Variants in BICRA observed in about 807,000 individuals in gnomAD.
BICRA encodes BRD4-interacting chromatin-remodeling complex-associated protein.
Under a neutral mutation model 96.9 loss-of-function variants are expected in BICRA, and 31 were observed. The observed-to-expected ratio is 0.32, with a 90% CI of 0.24 to 0.43. The LOEUF is 0.43. Among genes scored for constraint, BICRA ranks in the 20% least tolerant of loss-of-function variants. The probability of loss-of-function intolerance (pLI) is 1.00; values close to 1 mark genes in which losing one functional copy is unlikely to be tolerated. For missense variants in BICRA, 2,283 were observed against 2,190.3 expected (o/e 1.04, Z -0.84); for synonymous variants, 1,350 against 1,071.8 (o/e 1.26, Z -5.07).
intron 1 of BICRA, among the ~76,000 whole-genome samples, chr19:47,624,646 G>T (rs1054171284): frequency 1.3e-5 from 2 of 151,900 alleles, no homozygotes; most frequent in Non-Finnish European, 1.5e-5. Flanking sequence ...CTGTGTCTTT[G>T]AAGTGTAGTA....
chr19:47,692,178 C>T (rs11879995), intron 7 of BICRA, among the ~76,000 whole-genome samples: 45 of 152,232 alleles, frequency 3.0e-4, no homozygotes, highest in African/African-American at 1.1e-3. Flanking sequence ...TCTCCTTTTC[C>T]TCTATTGTAA....
At chr19:47,685,993 C>T (rs1331431729) in intron 7 of BICRA, among the ~76,000 whole-genome samples, 4 of 150,782 alleles carry the variant, frequency 2.7e-5, no homozygotes, top group South Asian at 2.1e-4. Context: ...TGCAGTGGCA[C>T]GATCTTGGCT....
In BICRA at chr19:47,647,617, G is replaced by C. The variant is rs1972479391; in HGVS notation, c.-107-22826G>C. Reference sequence around the variant, plus strand: ...ATCTGTGGGCTCCTCTCTCTCCTTGGCACGTGTGTGTGGCCCACGTTGCAT... The same window carrying C: ...ATCTGTGGGCTCCTCTCTCTCCTTGCCACGTGTGTGTGGCCCACGTTGCAT... On this transcript the variant is annotated intron_variant, in intron 1 of 14. Transcript: ENST00000594866. Among the ~76,000 whole-genome samples, 3 of 152,010 alleles carry C rather than the reference G, an allele frequency of 2.0e-5. No homozygotes were observed. The South Asian group carries it at 6.2e-4, about 31-fold the overall frequency.
At chr19:47,618,903 C>G (rs780600789) in intron 1 of BICRA, among the ~76,000 whole-genome samples, 5 of 152,202 alleles carry the variant, frequency 3.3e-5, no homozygotes, top group African/African-American at 1.2e-4. Flanking sequence ...GATGCCAACT[C>G]TCGTCCACCG....
Position 47,681,016 on chromosome 19 carries a change from G to T in BICRA, c.1846G>T (p.Ala616Ser). The change falls in exon 6 of 15, where the codon GCG becomes TCG. Residue 616 changes from alanine (A) to serine (S), a missense_variant. Physicochemically the swap from Ala to Ser is moderately conservative, Grantham distance 99. Transcript: ENST00000594866. The stretch of plus-strand genomic sequence containing the variant: ...CCCTGCCGCTGCCACCGGGGAGGCC[G>T]CGCCTGTCCTCACGGTGCAGCCTGC... ...ATPAAATGEA[A>S]PVLTVQPAPQ... is the part of the protein sequence containing the mutation. 1 of 1,447,154 alleles carries T rather than the reference G, an allele frequency of 6.9e-7. No individual in the cohort carries two copies. The highest frequency in any genetic ancestry group is 9.0e-7 in the Non-Finnish European group (1 of 1,109,296). 89.6% of individuals were successfully genotyped at this position (1,447,154 alleles called of 1,614,324 possible).
chr19:47,700,809 A>AACAAACAG, intron 14 of BICRA: 1 of 156,152 alleles, frequency 6.4e-6, no homozygotes, highest in East Asian at 1.9e-4. Context: ...CAAACAAACA[A>AACAAACAG]ACAAACAAAA....
chr19:47,696,527 C>G lies in BICRA; in HGVS notation c.3248+15C>G. On this transcript the variant is annotated intron_variant, in intron 11 of 14. Transcript: ENST00000594866. ...AAGGAAGCCTGGTGAGTCCACACCC[C>G]ATCCTTGCATGCCTGCCCTGTACCT... 4 of 1,591,506 alleles carry G rather than the reference C, an allele frequency of 2.5e-6. No homozygotes were observed. The highest frequency in any genetic ancestry group is 1.1e-5 in the South Asian group (1 of 87,316).
At chr19:47,633,649 G>T (rs1972255474) in intron 1 of BICRA, among the ~76,000 whole-genome samples, 1 of 152,156 alleles carries the variant, frequency 6.6e-6, no homozygotes, top group South Asian at 2.1e-4. Context: ...CTGACCCAGG[G>T]TTTCCCCATT....
rs1490082335 is a variant in BICRA, at chr19:47,694,373, A to C, written c.2542A>C (p.Ser848Arg). Residue 848 changes from serine to arginine, a missense_variant, in exon 8 of 15, where the codon AGC becomes CGC. Transcript: ENST00000594866. ...CCAGCTAGGCGTTCCCCCGCCTGCC[A>C]GCAACCCGGCCCCTACTGCCCCAGG... is the stretch of plus-strand genomic sequence containing the variant. ...QNQLGVPPPA[S>R]NPAPTAPGPP... The C allele has an allele frequency of 9.1e-7, 1 of 1,095,484 alleles. No homozygotes were observed. The highest frequency in any genetic ancestry group is 1.3e-6 in the Non-Finnish European group (1 of 795,920). The allele number at this position is 1,095,484 out of a possible 1,614,324, so 67.9% of individuals were successfully genotyped here.
chr19:47,620,739 A>G (rs574126661), intron 1 of BICRA, among the ~76,000 whole-genome samples: 98 of 152,040 alleles, frequency 6.4e-4, no homozygotes, highest in African/African-American at 2.3e-3. Context: ...CTTGTGAAAA[A>G]TGACCATCCC....
intron 1 of BICRA, among the ~76,000 whole-genome samples, chr19:47,612,869 C>G (rs1971929830): frequency 6.6e-6 from 1 of 151,986 alleles, no homozygotes; most frequent in Non-Finnish European, 1.5e-5. Context: ...TTAAGGGACC[C>G]CTTATCCCCG....
intron 1 of BICRA, among the ~76,000 whole-genome samples, chr19:47,627,507 A>AC (rs1275710237): frequency 6.6e-6 from 1 of 151,844 alleles, no homozygotes; most frequent in Non-Finnish European, 1.5e-5. Context: ...ATGATGTGGG[A>AC]CCCCCCAGCA....
At chr19:47,650,029 G>A (rs1972518592) in intron 1 of BICRA, among the ~76,000 whole-genome samples, 1 of 151,930 alleles carries the variant, frequency 6.6e-6, no homozygotes, top group Non-Finnish European at 1.5e-5. Context: ...TCAGCTCACT[G>A]CCACCTCCAC....
chr19:47,619,003 G>T (rs371817852), intron 1 of BICRA, among the ~76,000 whole-genome samples: 1 of 152,126 alleles, frequency 6.6e-6, no homozygotes, highest in Non-Finnish European at 1.5e-5. Context: ...CACCTGGCAC[G>T]CATAGTGTCT....
Position 47,702,582 on chromosome 19 carries a change from G to A in BICRA, c.*167G>A. The A allele has an allele frequency of 3.8e-6, 3 of 784,446 alleles. No homozygotes were observed. The highest frequency in any genetic ancestry group is 5.6e-6 in the Non-Finnish European group (3 of 535,614). The allele number at this position is 784,446 out of a possible 1,614,324, so 48.6% of individuals were successfully genotyped here. On this transcript the variant is annotated 3_prime_UTR_variant, in exon 15 of 15. Transcript: ENST00000594866. ...CCTTCCCTGCCGCCTGCTTCAGCTG[G>A]GTTGCTGGGGGGTGGGCGTGGATTT...
chr19:47,633,321 C>A (rs534862473), intron 1 of BICRA, among the ~76,000 whole-genome samples: 1 of 151,964 alleles, frequency 6.6e-6, no homozygotes, highest in Non-Finnish European at 1.5e-5. Flanking sequence ...CTCAAGTGAT[C>A]CGCCTGCCTT....
intron 1 of BICRA, among the ~76,000 whole-genome samples, chr19:47,639,092 C>G (rs912337798): frequency 1.3e-5 from 2 of 152,090 alleles, no homozygotes; most frequent in African/African-American, 4.8e-5. Context: ...CAACCTCCAC[C>G]TCCTGGGCTC....
At position 47,679,637 on chromosome 19, in the gene BICRA, C is replaced by T. The variant is rs1189533243; in HGVS notation, c.467C>T (p.Pro156Leu). The T allele has an allele frequency of 6.6e-7, 1 of 1,512,794 alleles. No homozygotes were observed. Among genetic ancestry groups the T allele is most frequent in the Admixed American group, 2.2e-5 (1 of 46,316 alleles). 93.7% of individuals were successfully genotyped at this position (1,512,794 alleles called of 1,614,324 possible). The change falls in exon 6 of 15, where the codon CCC becomes CTC. Residue 156 changes from proline to leucine, a missense_variant. Physicochemically the swap from Pro to Leu is moderately conservative, Grantham distance 98. Coordinates refer to ENST00000594866, the MANE Select transcript of BICRA (RefSeq NM_001394372.1). Reference protein sequence around the residue: ...AGGAAAVAAGPQALFPGSTDL... With the variant: ...AGGAAAVAAGLQALFPGSTDL... ...GGGGCAGCGGCCGTGGCTGCGGGGC[C>T]CCAAGCCCTCTTCCCAGGCAGCACC...
chr19:47,670,234 G>A lies in BICRA; in HGVS notation c.-107-209G>A, dbSNP rs866970645. Among the ~76,000 whole-genome samples, 5 of 152,230 alleles carry A rather than the reference G, an allele frequency of 3.3e-5. No homozygotes were observed. In the South Asian group the frequency reaches 6.2e-4, roughly 19 times the overall value. On this transcript the variant is annotated intron_variant, in intron 1 of 14. Transcript: ENST00000594866. Reference sequence around the variant, plus strand: ...CTCCCAAAGTGCTGAATTTACAGGCGTGAGCCACCGCGCCAGCCATTTTGT... The same window carrying A: ...CTCCCAAAGTGCTGAATTTACAGGCATGAGCCACCGCGCCAGCCATTTTGT...
Sources: gnomAD v4.1 joint callset for allele counts (sites outside exome capture counted in the v4.1 genomes callset) on GRCh38, gnomAD v4.1.1 for gene constraint, MANE v1.5 for transcripts, NCBI Gene and HGNC (gene_info 2026-07-23, HGNC 2026-07-21) for gene names.